PKD1L3: variants seen among roughly 807,000 people sequenced by gnomAD.
PKD1L3 encodes the protein polycystin-1-like protein 3.
A neutral mutation model predicts 184.1 loss-of-function variants in PKD1L3; 239 were observed. That is an observed-to-expected ratio of 1.30 (90% CI 1.17 to 1.45). The LOEUF is 1.45. Ranked by LOEUF, PKD1L3 falls within the 40% of genes most tolerant of loss-of-function variation. PKD1L3 has a pLI of 0.00. For missense variants in PKD1L3, 2,660 were observed against 2,067.2 expected (o/e 1.29, Z -5.56); for synonymous variants, 996 against 778.8 (o/e 1.28, Z -4.64).
chr16:71,984,584 G>C (rs546992229), intron 5 of PKD1L3, among the ~76,000 whole-genome samples: 1 of 152,162 alleles, frequency 6.6e-6, no homozygotes, highest in Non-Finnish European at 1.5e-5. Flanking sequence ...TTAAGGCTGG[G>C]CGTGATGGCT....
At chr16:71,947,920 CTTT>C (rs545301438) in intron 21 of PKD1L3, among the ~76,000 whole-genome samples, 1 of 143,824 alleles carries the variant, frequency 7.0e-6, no homozygotes. Context: ...GATCCAGACT[CTTT>C]TTTTTTTTTT....
intron 2 of PKD1L3, among the ~76,000 whole-genome samples, chr16:71,994,590 C>T (rs2040714422): frequency 6.6e-6 from 1 of 152,186 alleles, no homozygotes; most frequent in African/African-American, 2.4e-5. Flanking sequence ...GCCTCATGAA[C>T]TATTGCCCCA....
chr16:71,970,193 G>T, intron 12 of PKD1L3, 88 bp from the exon 13 acceptor site: 1 of 1,023,938 alleles, frequency 9.8e-7, no homozygotes, highest in Non-Finnish European at 1.4e-6. Flanking sequence ...ATTTAGAGAT[G>T]GAAAGAGGTA....
At chr16:71,967,368 G>T in intron 14 of PKD1L3, 53 bp from the exon 15 acceptor site, 1 of 1,485,214 alleles carries the variant, frequency 6.7e-7, no homozygotes, top group South Asian at 1.3e-5. Flanking sequence ...ACAATTCTTT[G>T]GGTTTATCCC....
chr16:71,930,037 C>A lies in PKD1L3; in HGVS notation c.5058+15G>T. ...GTGATATAACAGCATGCTAGTTTAT[C>A]TTTTAGTTACCTACCTTAAGCGACT... On this transcript the variant is annotated intron_variant, in intron 29 of 29. Transcript: ENST00000620267. 1 of 1,544,066 alleles carries A rather than the reference C, an allele frequency of 6.5e-7. No individual in the cohort carries two copies. Among genetic ancestry groups the A allele is most frequent in the Non-Finnish European group, 8.7e-7 (1 of 1,144,216 alleles).
chr16:71,942,263 G>A (rs866599461), intron 24 of PKD1L3, among the ~76,000 whole-genome samples: 27 of 152,152 alleles, frequency 1.8e-4, no homozygotes, highest in African/African-American at 5.8e-4. Flanking sequence ...AACCCAGGAG[G>A]CAGAGGGTAC....
intron 15 of PKD1L3, among the ~76,000 whole-genome samples, chr16:71,966,917 C>T (rs1021627391): frequency 1.3e-5 from 2 of 152,094 alleles, no homozygotes; most frequent in Non-Finnish European, 2.9e-5. Flanking sequence ...TTAGAGAAAA[C>T]AAAACATCTA....
chr16:71,991,402 AC>A (rs2040584883), intron 3 of PKD1L3: 1 of 164,746 alleles, frequency 6.1e-6, no homozygotes, highest in African/African-American at 2.4e-5. Context: ...GCTAACATGC[AC>A]CAGAATGAGG....
At chr16:71,995,192 G>C (rs894179321) in intron 2 of PKD1L3, among the ~76,000 whole-genome samples, 5 of 152,088 alleles carry the variant, frequency 3.3e-5, no homozygotes, top group African/African-American at 9.7e-5. Context: ...AAAGGCAAGA[G>C]AAGCCCTCCC....
intron 21 of PKD1L3, among the ~76,000 whole-genome samples, chr16:71,948,799 A>T: frequency 7.5e-6 from 1 of 132,854 alleles, no homozygotes; most frequent in Non-Finnish European, 1.6e-5. Context: ...TAACTTACAT[A>T]TAGTAAAAAA....
At chr16:71,954,027 G>C in intron 17 of PKD1L3, 78 bp downstream of exon 17, 1 of 1,239,414 alleles carries the variant, frequency 8.1e-7, no homozygotes, top group Admixed American at 3.3e-5. Flanking sequence ...ACCAGCCTGG[G>C]TAACAGAGCA....
intron 4 of PKD1L3, among the ~76,000 whole-genome samples, chr16:71,989,637 T>G (rs956117119): frequency 3.9e-5 from 6 of 152,234 alleles, no homozygotes; most frequent in African/African-American, 1.4e-4. Context: ...TTATTTCCTT[T>G]CCCTTTCTGT....
intron 4 of PKD1L3, among the ~76,000 whole-genome samples, chr16:71,988,646 T>C (rs1451979710): frequency 1.3e-5 from 2 of 152,148 alleles, no homozygotes; most frequent in Non-Finnish European, 1.5e-5. Context: ...AGCAACATAT[T>C]ATAGGGGTGG....
chr16:71,954,061 A>C (rs9888745), intron 17 of PKD1L3, 44 bp downstream of exon 17: 534,269 of 1,303,434 alleles, frequency 0.41, 86,770 homozygotes, highest in East Asian at 0.77. Flanking sequence ...AAAAAAAAAA[A>C]GGATTGCTTA....
chr16:71,939,131 A>G (rs972574158), intron 24 of PKD1L3, among the ~76,000 whole-genome samples: 6 of 152,230 alleles, frequency 3.9e-5, no homozygotes, highest in African/African-American at 1.4e-4. Flanking sequence ...CACAGCAGAA[A>G]CCACATGCAG....
At chr16:71,991,552 G>A (rs2040591036) in intron 3 of PKD1L3, among the ~76,000 whole-genome samples, 2 of 152,148 alleles carry the variant, frequency 1.3e-5, no homozygotes, top group Non-Finnish European at 2.9e-5. Context: ...ATAAATGTAA[G>A]GTGCTCTCCT....
chr16:71,991,130 G>T (rs904356369), intron 3 of PKD1L3: 8 of 166,500 alleles, frequency 4.8e-5, no homozygotes, highest in Non-Finnish European at 8.0e-5. Context: ...AAGTATATGT[G>T]CCATCTTAAC....
chr16:71,963,212 A>G lies in PKD1L3; in HGVS notation c.2605T>C (p.Ser869Pro). The change falls in exon 16 of 30, where the codon TCC becomes CCC. Residue 869 changes from serine to proline, a missense_variant. Coordinates refer to ENST00000620267, the MANE Select transcript of PKD1L3 (RefSeq NM_181536.2). The part of the protein sequence containing the change: ...FIPVSKRELF[S>P]FRHLFSSMIV... Reference sequence around the variant, plus strand: ...GTAATTTTCCAACAGTACCTAAAGGAAAAGAGCTCTCTCTTTGAAACTGGG... The same window carrying G: ...GTAATTTTCCAACAGTACCTAAAGGGAAAGAGCTCTCTCTTTGAAACTGGG... The G allele has an allele frequency of 3.2e-6, 5 of 1,549,540 alleles. No individual in the cohort carries two copies. The highest frequency in any genetic ancestry group is 4.4e-6 in the Non-Finnish European group (5 of 1,146,028).
Position 71,953,065 on chromosome 16 carries a change from T to C in PKD1L3, c.2838A>G (p.Glu946=), listed in dbSNP as rs1210944273. ...CAGCAGTATGGATGCTGACCAGCAG[T>C]TCAGACCAGGCCACAGCAAATGGAC... ...QMRPFAVAWS[E]LLVSIHTAVI... The change falls in exon 18 of 30, where the codon GAA becomes GAG. Residue 946 remains glutamate, a synonymous_variant. Transcript: ENST00000620267. 2.0e-6 allele frequency: 3 copies of C among 1,515,314 alleles called. No individual in the cohort carries two copies. Among genetic ancestry groups the C allele is most frequent in the Non-Finnish European group, 1.8e-6 (2 of 1,132,658 alleles). 93.9% of individuals were successfully genotyped at this position (1,515,314 alleles called of 1,614,324 possible).
Sources: gnomAD v4.1 joint callset for allele counts (sites outside exome capture counted in the v4.1 genomes callset) on GRCh38, gnomAD v4.1.1 for gene constraint, MANE v1.5 for transcripts, NCBI Gene and HGNC (gene_info 2026-07-23, HGNC 2026-07-21) for gene names.